SIK3: variants seen among roughly 807,000 people sequenced by gnomAD.
The protein encoded by SIK3 is SIK family kinase 3.
A neutral mutation model predicts 144.2 loss-of-function variants in SIK3; 28 were observed. The ratio of observed to expected loss-of-function variants is 0.19; its 90% confidence interval spans 0.14 to 0.27. SIK3 has a LOEUF of 0.27. SIK3 is among the 10% of genes least tolerant of loss of function. SIK3 has a pLI of 1.00. For synonymous variants in SIK3, 686 were observed against 676.3 expected (o/e 1.01, Z -0.22); for missense variants, 1,319 against 1,776.0 (o/e 0.74, Z 4.62).
chr11:116,966,279 C>T (rs978543229), intron 1 of SIK3, among the ~76,000 whole-genome samples: 1 of 152,090 alleles, frequency 6.6e-6, no homozygotes, highest in Non-Finnish European at 1.5e-5. Context: ...GCCTGTAGTC[C>T]TAGTACTCAG....
chr11:116,851,691 AGAGAG>A (rs1458397830), intron 21 of SIK3, among the ~76,000 whole-genome samples: 2 of 152,190 alleles, frequency 1.3e-5, no homozygotes, highest in Non-Finnish European at 2.9e-5. Context: ...AAAAGCCAGC[AGAGAG>A]AAGATAAAAG....
intron 1 of SIK3, among the ~76,000 whole-genome samples, chr11:117,021,025 A>G (rs542228808): frequency 1.3e-5 from 2 of 152,316 alleles, no homozygotes; most frequent in Admixed American, 1.3e-4. Context: ...CCAGGTAGAC[A>G]GTGTCAGAAC....
chr11:117,004,644 C>G (rs1211615230), intron 1 of SIK3, among the ~76,000 whole-genome samples: 1 of 152,160 alleles, frequency 6.6e-6, no homozygotes, highest in Admixed American at 6.5e-5. Flanking sequence ...CATAGAGGCA[C>G]TATTATTAAG....
At chr11:116,895,263 G>C (rs905164422) in intron 6 of SIK3, among the ~76,000 whole-genome samples, 10 of 152,064 alleles carry the variant, frequency 6.6e-5, no homozygotes, top group African/African-American at 2.4e-4. Context: ...CAACAGCCAG[G>C]GGGTGCTCTT....
chr11:116,923,159 A>G (rs1947095647), intron 4 of SIK3, among the ~76,000 whole-genome samples: 2 of 151,696 alleles, frequency 1.3e-5, no homozygotes, highest in African/African-American at 4.8e-5. Flanking sequence ...CAGGTGATCC[A>G]CCCACCTTGG....
At chr11:116,915,272 A>C (rs1391905562) in intron 4 of SIK3, among the ~76,000 whole-genome samples, 1 of 152,016 alleles carries the variant, frequency 6.6e-6, no homozygotes, top group Non-Finnish European at 1.5e-5. Flanking sequence ...TTGGCCTCCC[A>C]AAGTGCTGGG....
Position 116,858,365 on chromosome 11 carries a change from G to C in SIK3, c.3100C>G (p.Arg1034Gly), listed in dbSNP as rs375769186. The change falls in exon 21 of 25, where the codon CGG (arginine) becomes GGG (glycine). Residue 1034 changes from arginine (R) to glycine (G), a missense_variant. Coordinates refer to ENST00000445177, the MANE Select transcript of SIK3 (RefSeq NM_001366686.3). This position sits in a 1 kb window ranked among gnomAD's most constrained non-coding sequence, Gnocchi z 5.4. ...TGTGCAAACTCTGTTGGGGGCAGCC[G>C]GATGTCCGAGTGGCCGGTGAGCGAA... The part of the protein sequence containing the change: ...RHSLTGHSDI[R>G]LPPTEFAQLI... 6.2e-7 allele frequency: 1 copy of C among 1,613,700 alleles called. No homozygotes were observed.
chr11:117,037,372 C>T (rs1952553352), intron 1 of SIK3, among the ~76,000 whole-genome samples: 2 of 152,160 alleles, frequency 1.3e-5, no homozygotes, highest in African/African-American at 4.8e-5. Flanking sequence ...ACAGCCCTTG[C>T]CTTCAAGCAG....
At chr11:117,053,595 C>T (rs1197237116) in intron 1 of SIK3, among the ~76,000 whole-genome samples, 1 of 152,060 alleles carries the variant, frequency 6.6e-6, no homozygotes, top group Non-Finnish European at 1.5e-5. Context: ...ATAACAAAGG[C>T]AGTCTGGCTC....
intron 1 of SIK3, among the ~76,000 whole-genome samples, chr11:117,069,495 G>C (rs1954169109): frequency 6.6e-6 from 1 of 152,152 alleles, no homozygotes; most frequent in East Asian, 1.9e-4. Flanking sequence ...CCCAGTCAAT[G>C]TTCAAACTGC....
intron 1 of SIK3, among the ~76,000 whole-genome samples, chr11:117,097,217 C>A (rs547637873): frequency 1.4e-4 from 22 of 152,204 alleles, no homozygotes; most frequent in African/African-American, 4.3e-4. Flanking sequence ...TCCTATAGCG[C>A]CTCAAATCCC....
chr11:116,876,813 T>C (rs1049480379), intron 7 of SIK3, 111 bp downstream of exon 7: 6 of 818,992 alleles, frequency 7.3e-6, no homozygotes, highest in South Asian at 1.4e-5. Context: ...TGTTACATAA[T>C]AGTTTGTTCC....
At chr11:116,915,901 T>C (rs1299481408) in intron 4 of SIK3, among the ~76,000 whole-genome samples, 1 of 152,260 alleles carries the variant, frequency 6.6e-6, no homozygotes, top group Admixed American at 6.5e-5. Context: ...AAAGCTATTA[T>C]GATAACCAAC....
At chr11:116,976,321 T>C (rs1264203983) in intron 1 of SIK3, among the ~76,000 whole-genome samples, 4 of 152,218 alleles carry the variant, frequency 2.6e-5, no homozygotes, top group Non-Finnish European at 5.9e-5. Context: ...TTTTCTTCTC[T>C]TCATAAATGT....
intron 1 of SIK3, among the ~76,000 whole-genome samples, chr11:116,977,761 A>G (rs1480204212): frequency 1.3e-5 from 2 of 152,234 alleles, no homozygotes; most frequent in African/African-American, 4.8e-5. Flanking sequence ...TTCTAAGGCT[A>G]CAACCATTGA....
chr11:116,918,531 G>A (rs1591321573), intron 4 of SIK3, among the ~76,000 whole-genome samples: 1 of 152,166 alleles, frequency 6.6e-6, no homozygotes, highest in Middle Eastern at 3.4e-3. Flanking sequence ...AATAGATAAT[G>A]GCATGAAAAT....
At chr11:116,875,120 G>A in intron 11 of SIK3, 38 bp downstream of exon 11, 4 of 1,508,002 alleles carry the variant, frequency 2.7e-6, no homozygotes, top group Non-Finnish European at 3.7e-6. Context: ...ACAATTCTTT[G>A]CCCCAGTGTT....
chr11:116,891,517 A>G (rs1380335673), intron 6 of SIK3, among the ~76,000 whole-genome samples: 1 of 152,174 alleles, frequency 6.6e-6, no homozygotes, highest in Non-Finnish European at 1.5e-5. Flanking sequence ...ACAGTATAAA[A>G]TGTACTTTTT....
Position 116,876,301 on chromosome 11 carries a change from G to A in SIK3, c.1047C>T (p.Val349=), listed in dbSNP as rs1324532541. Residue 349 remains valine (V), a synonymous_variant, in exon 8 of 25, where the codon GTC becomes GTT. Coordinates refer to ENST00000445177, the MANE Select transcript of SIK3 (RefSeq NM_001366686.3). ...GTCCCATGTCCTCCATGGCCAAGAG[G>A]ACATCCTCATTCAGGGGGTCCACCT... ...ERQVDPLNED[V]LLAMEDMGLD... is the part of the protein sequence containing the mutation. 2 of 1,614,096 alleles carry A rather than the reference G, an allele frequency of 1.2e-6. No homozygotes were observed. Among genetic ancestry groups the A allele is most frequent in the African/African-American group, 1.3e-5 (1 of 74,940 alleles).
Sources: gnomAD v4.1 joint callset for allele counts (sites outside exome capture counted in the v4.1 genomes callset) on GRCh38, gnomAD v4.1.1 for gene constraint, Gnocchi (gnomAD v3.1) non-coding constraint, MANE v1.5 for transcripts, NCBI Gene and HGNC (gene_info 2026-07-23, HGNC 2026-07-21) for gene names.